ARL13B: variants seen among roughly 807,000 people sequenced by gnomAD.
ARL13B encodes ADP-ribosylation factor-like protein 13B.
Under a neutral mutation model 56.1 loss-of-function variants are expected in ARL13B, and 36 were observed. The ratio of observed to expected loss-of-function variants is 0.64; its 90% CI spans 0.49 to 0.85. The LOEUF (loss-of-function observed/expected upper bound fraction) is 0.85, where lower values mean the gene tolerates loss of function less well. Ranked by LOEUF, ARL13B falls within the 40% of genes least tolerant of loss-of-function variation. The pLI, the probability that ARL13B is intolerant of heterozygous loss-of-function variation, is 0.00. For synonymous variants in ARL13B, 178 were observed against 171.1 expected, an observed-to-expected ratio of 1.04 and a Z score of -0.32; for missense variants, 519 against 507.1, an observed-to-expected ratio of 1.02 and a Z score of -0.23.
rs558006099 is a variant in ARL13B, at chr3:94,036,779, A to C, written c.689+25A>C. 54 of 1,590,622 alleles carry C rather than the reference A, an allele frequency of 3.4e-5. No homozygotes were observed. In the South Asian group the frequency reaches 5.7e-4, roughly 17 times the overall value. ...GGTAAGTAGATTAATTTTGTACCAC[A>C]GTGCATTTGAAGGATCAAAAACATA... On this transcript the variant is annotated intron_variant, in intron 5 of 9. Coordinates refer to ENST00000394222, the MANE Select transcript of ARL13B (RefSeq NM_001174150.2).
chr3:94,049,445 G>C lies in ARL13B; in HGVS notation c.1064G>C (p.Arg355Thr). 2 of 1,609,166 alleles carry C rather than the reference G, an allele frequency of 1.2e-6. No homozygotes were observed. Among genetic ancestry groups the C allele is most frequent in the Non-Finnish European group, 1.7e-6 (2 of 1,178,070 alleles). ...AAAACTAAGAAACTAAGAATGAAAA[G>C]GAACCACCGGGTAGAACCACTTAAT... ...KKKTKKLRMK[R>T]NHRVEPLNID... The change falls in exon 8 of 10, where the codon AGG becomes ACG. Residue 355 changes from arginine to threonine, a missense_variant. By Grantham distance (71) the Arg-to-Thr change is moderately conservative. Transcript: ENST00000394222.
Position 94,054,352 on chromosome 3 carries a change from C to A in ARL13B, c.*1089C>A. 2.3e-6 allele frequency: 1 copy of A among 427,736 alleles called. No homozygotes were observed. Among genetic ancestry groups the A allele is most frequent in the South Asian group, 1.7e-5 (1 of 57,368 alleles). The allele number at this position is 427,736 out of a possible 1,614,324, so 26.5% of individuals were successfully genotyped here. ...TAAATAAATAATTCCAAAATAATTT[C>A]TTAATTTAAAATGATAGCACTTCTC... On this transcript the variant is annotated 3_prime_UTR_variant, in exon 10 of 10. Transcript: ENST00000394222.
chr3:94,033,929 A>C (rs182521287), intron 3 of ARL13B, among the ~76,000 whole-genome samples: 3 of 152,304 alleles, frequency 2.0e-5, no homozygotes, highest in Admixed American at 2.0e-4. Context: ...TTCTAAAGAA[A>C]AATTACAAAT....
At chr3:94,046,832 A>G (rs1187554497) in intron 7 of ARL13B, among the ~76,000 whole-genome samples, 2 of 152,094 alleles carry the variant, frequency 1.3e-5, no homozygotes, top group Non-Finnish European at 2.9e-5. Flanking sequence ...TCTTATTTTA[A>G]TATCATAAAA....
At chr3:93,999,423 T>C (rs1461144316) in intron 2 of ARL13B, among the ~76,000 whole-genome samples, 1 of 152,150 alleles carries the variant, frequency 6.6e-6, no homozygotes, top group Non-Finnish European at 1.5e-5. Context: ...TTATTCACAA[T>C]AGCTTTTTTT....
intron 4 of ARL13B, among the ~76,000 whole-genome samples, chr3:94,036,051 C>T (rs2076762131): frequency 1.3e-5 from 2 of 151,926 alleles, no homozygotes; most frequent in African/African-American, 4.8e-5. Flanking sequence ...CCAGCCTGGC[C>T]AACAGAATGA....
At chr3:94,016,649 C>CTTT (rs11442452) in intron 3 of ARL13B, among the ~76,000 whole-genome samples, 2 of 142,474 alleles carry the variant, frequency 1.4e-5, no homozygotes, top group Non-Finnish European at 3.0e-5. Context: ...ATTAAGCTTT[C>CTTT]TTTTTTTTTT....
At chr3:93,981,278 A>C (rs1575915003) in intron 1 of ARL13B, among the ~76,000 whole-genome samples, 1 of 152,342 alleles carries the variant, frequency 6.6e-6, no homozygotes, top group South Asian at 2.1e-4. Flanking sequence ...GGCCTAACCT[A>C]TAAAGAGATC....
At position 94,053,571 on chromosome 3, in the gene ARL13B, A is replaced by G. The variant is rs2077099993; in HGVS notation, c.*308A>G. 1.9e-6 allele frequency: 1 copy of G among 527,264 alleles called. No homozygotes were observed. The highest frequency in any genetic ancestry group is 3.6e-6 in the Non-Finnish European group (1 of 275,454). The allele number at this position is 527,264 out of a possible 1,614,324, so 32.7% of individuals were successfully genotyped here. On this transcript the variant is annotated 3_prime_UTR_variant, in exon 10 of 10. Coordinates refer to ENST00000394222, the MANE Select transcript of ARL13B (RefSeq NM_001174150.2). ...CATACTTCTGAAGGAAAACTTTACA[A>G]AAAGAGCCAATGGACTCAGCACTTT...
chr3:94,003,624 A>G, intron 2 of ARL13B, 35 bp from the exon 3 acceptor site: 9 of 1,607,862 alleles, frequency 5.6e-6, no homozygotes, highest in Non-Finnish European at 7.6e-6. Flanking sequence ...ATTAAAGTCT[A>G]AAGATTTTCT....
chr3:94,015,172 AC>A, intron 3 of ARL13B: 1 of 1,613,714 alleles, frequency 6.2e-7, no homozygotes, highest in Non-Finnish European at 8.5e-7. Flanking sequence ...CTGTAGAAAC[AC>A]CCCTTGTTCC....
chr3:94,016,291 A>T (rs975518399), intron 3 of ARL13B, among the ~76,000 whole-genome samples: 1 of 152,062 alleles, frequency 6.6e-6, no homozygotes, highest in Non-Finnish European at 1.5e-5. Context: ...TATTAATATC[A>T]ACCAGAAAAA....
chr3:94,043,316 GT>G, intron 7 of ARL13B, 76 bp downstream of exon 7: 1 of 1,333,016 alleles, frequency 7.5e-7, no homozygotes, highest in Non-Finnish European at 1.0e-6. Flanking sequence ...CATTTTTTAT[GT>G]TTGTTTTTAC....
chr3:93,994,034 G>A (rs2075922763), intron 1 of ARL13B, among the ~76,000 whole-genome samples: 1 of 152,164 alleles, frequency 6.6e-6, no homozygotes, highest in Non-Finnish European at 1.5e-5. Flanking sequence ...TGGGATGGTT[G>A]AAACATCTAG....
intron 3 of ARL13B, among the ~76,000 whole-genome samples, chr3:94,022,884 T>G (rs1471862129): frequency 6.6e-6 from 1 of 152,072 alleles, no homozygotes; most frequent in Non-Finnish European, 1.5e-5. Flanking sequence ...CTTAATTTTG[T>G]ACATACATCA....
chr3:94,006,776 TC>T (rs1234123022), intron 3 of ARL13B, among the ~76,000 whole-genome samples: 2 of 152,240 alleles, frequency 1.3e-5, no homozygotes, highest in Non-Finnish European at 2.9e-5. Context: ...CTTTCATAGT[TC>T]CATGCAGATA....
chr3:94,045,537 T>G (rs1021494742), intron 7 of ARL13B, among the ~76,000 whole-genome samples: 3 of 150,382 alleles, frequency 2.0e-5, no homozygotes, highest in Non-Finnish European at 4.4e-5. Flanking sequence ...TCCAAACAAA[T>G]CCCAGCATGA....
At position 94,053,952 on chromosome 3, in the gene ARL13B, G is replaced by A. The variant is rs2077105174; in HGVS notation, c.*689G>A. The A allele has an allele frequency of 5.9e-6, 2 of 336,848 alleles. No individual in the cohort carries two copies. Among genetic ancestry groups the A allele is most frequent in the South Asian group, 4.9e-5 (2 of 41,022 alleles). The allele number at this position is 336,848 out of a possible 1,614,324, so 20.9% of individuals were successfully genotyped here. ...ATATTTTCGAAGTAGTAGATTCTCA[G>A]ATCTTTATTCTAACAATTACATGAT... is the stretch of plus-strand genomic sequence containing the variant. On this transcript the variant is annotated 3_prime_UTR_variant, in exon 10 of 10. Coordinates refer to ENST00000394222, the MANE Select transcript of ARL13B (RefSeq NM_001174150.2).
chr3:94,049,957 C>T (rs976257258), intron 8 of ARL13B, among the ~76,000 whole-genome samples: 1 of 150,186 alleles, frequency 6.7e-6, no homozygotes, highest in African/African-American at 2.5e-5. Context: ...TCGAGATCAA[C>T]CTGGCCAACT....
Sources: allele counts gnomAD v4.1 joint callset (sites outside exome capture counted in the v4.1 genomes callset), GRCh38; gene constraint gnomAD v4.1.1; transcripts MANE v1.5; gene names NCBI Gene and HGNC (gene_info 2026-07-23, HGNC 2026-07-21).